MARS1: variants seen among roughly 807,000 people sequenced by gnomAD.
The protein encoded by MARS1 is methionyl-tRNA synthetase 1, also known as methionine--tRNA ligase, cytoplasmic.
Under a neutral mutation model 119.5 loss-of-function variants are expected in MARS1, and 80 were observed. The observed-to-expected ratio is 0.67, with a 90% CI of 0.56 to 0.81. MARS1 has a LOEUF of 0.81. Among genes scored for constraint, MARS1 ranks in the 30% least tolerant of loss-of-function variants. The probability of loss-of-function intolerance (pLI) is 0.00; values close to 1 mark genes in which losing one functional copy is unlikely to be tolerated. For synonymous variants in MARS1, 418 were observed against 433.4 expected (o/e 0.96, Z 0.44); for missense variants, 945 against 1,116.5 (o/e 0.85, Z 2.19).
chr12:57,490,913 G>A (rs1279169834), intron 7 of MARS1, among the ~76,000 whole-genome samples: 1 of 102,562 alleles, frequency 9.8e-6, no homozygotes, highest in Non-Finnish European at 1.8e-5. Flanking sequence ...TTTCGCTCTT[G>A]TTGCCCAGGC....
At position 57,505,414 on chromosome 12, in the gene MARS1, G is replaced by A. The variant is rs370305050; in HGVS notation, c.1368+1115G>A. On this transcript the variant is annotated intron_variant, in intron 11 of 20. Transcript: ENST00000262027. ...TGACCTCAGGTAATCCATCCACCTCGGCCTCCCAGTGTGCAGGGATTACAG... is the reference window on the plus strand; with the variant it reads ...TGACCTCAGGTAATCCATCCACCTCAGCCTCCCAGTGTGCAGGGATTACAG... Among the ~76,000 whole-genome samples, 20 of 151,794 alleles carry A rather than the reference G, an allele frequency of 1.3e-4. No homozygotes were observed. The East Asian group carries it at 2.3e-3, about 18-fold the overall frequency.
At chr12:57,493,773 TA>T (rs1876341379) in intron 7 of MARS1, among the ~76,000 whole-genome samples, 1 of 3,082 alleles carries the variant, frequency 3.2e-4, no homozygotes, top group South Asian at 0.016. Context: ...ATATTATATA[TA>T]ATATATATTA....
At chr12:57,513,752 C>A (rs1176381642) in intron 15 of MARS1, among the ~76,000 whole-genome samples, 1 of 151,878 alleles carries the variant, frequency 6.6e-6, no homozygotes, top group African/African-American at 2.4e-5. Context: ...ATTTAGGATT[C>A]TTTAGTCACA....
In MARS1 at chr12:57,490,649, G is replaced by C; in HGVS notation, c.770+5G>C. On this transcript the variant is annotated splice_donor_5th_base_variant and intron_variant, in intron 7 of 20. Coordinates refer to ENST00000262027, the MANE Select transcript of MARS1 (RefSeq NM_004990.4). The stretch of plus-strand genomic sequence containing the variant: ...GCGGCCCCAGCAGAATCCAGTGTGA[G>C]TAGACATGGCACATGTGAGTGGGGC... 6.2e-7 allele frequency: 1 copy of C among 1,613,494 alleles called. No individual in the cohort carries two copies. Among genetic ancestry groups the C allele is most frequent in the Non-Finnish European group, 8.5e-7 (1 of 1,179,504 alleles).
chr12:57,510,375 G>A (rs1418115383), intron 11 of MARS1, among the ~76,000 whole-genome samples: 2 of 152,154 alleles, frequency 1.3e-5, no homozygotes, highest in Non-Finnish European at 2.9e-5. Context: ...AGGAGGCTGA[G>A]GCAGGAGAAT....
rs776541747 is a variant in MARS1 at position 57,498,631 on chromosome 12, T to G, written c.1091+8T>G. 2 of 1,613,400 alleles carry G rather than the reference T, an allele frequency of 1.2e-6. No homozygotes were observed. Among genetic ancestry groups the G allele is most frequent in the Non-Finnish European group, 1.7e-6 (2 of 1,179,394 alleles). On this transcript the variant is annotated splice_region_variant and intron_variant, in intron 9 of 20. Coordinates refer to ENST00000262027, the MANE Select transcript of MARS1 (RefSeq NM_004990.4). ...CACTCCACAGCAGACCAAGTAAGTTTCCTCTAATGAGGCAGAAATGGGGCT... is the reference window on the plus strand; with the variant it reads ...CACTCCACAGCAGACCAAGTAAGTTGCCTCTAATGAGGCAGAAATGGGGCT...
chr12:57,504,556 CTCTT>C (rs931937922), intron 11 of MARS1, among the ~76,000 whole-genome samples: 9 of 151,894 alleles, frequency 5.9e-5, no homozygotes, highest in Admixed American at 2.6e-4. Context: ...TTTTATGTCT[CTCTT>C]TTTTTTTAAG....
intron 10 of MARS1, among the ~76,000 whole-genome samples, chr12:57,502,650 G>A (rs1421154798): frequency 6.8e-6 from 1 of 146,234 alleles, no homozygotes; most frequent in African/African-American, 2.5e-5. Context: ...AGGTTTCAGT[G>A]AGCTGAGATT....
intron 11 of MARS1, among the ~76,000 whole-genome samples, chr12:57,507,256 T>A (rs1346900623): frequency 3.3e-5 from 5 of 150,208 alleles, no homozygotes. Flanking sequence ...TACCTCTTTC[T>A]ACACAGACAC....
chr12:57,504,425 A>AT (rs1014895673), intron 11 of MARS1, 126 bp downstream of exon 11: 7 of 748,132 alleles, frequency 9.4e-6, no homozygotes, highest in Non-Finnish European at 1.6e-5. Context: ...TGTACATACT[A>AT]TTGTCAAGAG....
intron 10 of MARS1, among the ~76,000 whole-genome samples, chr12:57,501,722 T>C (rs1376237161): frequency 6.6e-6 from 1 of 151,914 alleles, no homozygotes; most frequent in African/African-American, 2.4e-5. Context: ...CTTGGGAGGC[T>C]GAAGCTTGAG....
intron 1 of MARS1, chr12:57,488,486 C>G (rs1187912035): frequency 7.4e-7 from 1 of 1,354,384 alleles, no homozygotes. Context: ...CAACCTTCTC[C>G]TACACCTATC....
chr12:57,488,498 G>A (rs1319296996), intron 1 of MARS1: 3 of 1,411,770 alleles, frequency 2.1e-6, no homozygotes, highest in Non-Finnish European at 2.9e-6. Context: ...ACACCTATCA[G>A]GCATCCCCCT....
intron 10 of MARS1, among the ~76,000 whole-genome samples, chr12:57,501,656 C>T (rs1876921515): frequency 6.6e-6 from 1 of 151,994 alleles, no homozygotes; most frequent in Non-Finnish European, 1.5e-5. Context: ...CCTGTCTCTA[C>T]TAAAAAAATA....
At chr12:57,488,545 C>T in intron 1 of MARS1, 3 of 1,543,222 alleles carry the variant, frequency 1.9e-6, no homozygotes, top group East Asian at 2.4e-5. Context: ...CCCCCAGGCA[C>T]CCTTTTGTGT....
intron 15 of MARS1, 84 bp downstream of exon 15, chr12:57,513,048 T>A: frequency 1.7e-6 from 2 of 1,156,786 alleles, no homozygotes. Context: ...TGGAGAGAAC[T>A]AGAAAATGGG....
rs777324495 is a variant in MARS1, at chr12:57,514,966, C to CT, written c.2114dup (p.Leu705PhefsTer19). The CT allele has an allele frequency of 3.7e-5, 60 of 1,614,062 alleles. No homozygotes were observed. The highest frequency in any genetic ancestry group is 5.0e-5 in the Non-Finnish European group (59 of 1,180,056). ...CCTCCCTTCCCAGGATCCGGGATGC[C>CT]TTGCGCAGTATCCTCACCATATCTC... is the stretch of plus-strand genomic sequence containing the variant. On this transcript the variant is annotated frameshift_variant, in exon 17 of 21. Transcript: ENST00000262027. LOFTEE classifies it high-confidence loss of function.
intron 11 of MARS1, among the ~76,000 whole-genome samples, chr12:57,510,951 G>A (rs1217326316): frequency 6.6e-6 from 1 of 151,972 alleles, no homozygotes; most frequent in Non-Finnish European, 1.5e-5. Context: ...GCACGTGCCT[G>A]TAGTGCCAGC....
chr12:57,488,536 C>T (rs1875645691), intron 1 of MARS1: 7 of 1,535,316 alleles, frequency 4.6e-6, no homozygotes, highest in Non-Finnish European at 6.2e-6. Context: ...GCATGACAGC[C>T]CCCAGGCACC....
Sources: allele counts gnomAD v4.1 joint callset (sites outside exome capture counted in the v4.1 genomes callset), GRCh38; gene constraint gnomAD v4.1.1; transcripts MANE v1.5; gene names NCBI Gene and HGNC (gene_info 2026-07-23, HGNC 2026-07-21).